The following ANKS1A variants were observed in gnomAD, a reference collection of about 807,000 sequenced individuals.
ANKS1A encodes the protein ankyrin repeat and sterile alpha motif domain containing 1A, also known as ankyrin repeat and SAM domain-containing protein 1A.
ANKS1A carries 55 observed loss-of-function variants against 120.3 expected under a neutral mutation model. The observed-to-expected ratio is 0.46, with a 90% confidence interval of 0.37 to 0.57. The LOEUF is 0.57. Among genes scored for constraint, ANKS1A ranks in the 20% least tolerant of loss-of-function variants. ANKS1A has a pLI of 0.00. For missense variants in ANKS1A, 1,123 were observed against 1,480.3 expected (o/e 0.76, Z 3.96); for synonymous variants, 590 against 604.7 (o/e 0.98, Z 0.36).
intron 1 of ANKS1A, among the ~76,000 whole-genome samples, chr6:34,944,045 G>A (rs532298803): frequency 5.9e-5 from 9 of 152,154 alleles, no homozygotes; most frequent in African/African-American, 1.2e-4. Context: ...AGGCCAAGGC[G>A]GGCAGATCAT....
chr6:34,922,095 G>C (rs1352527302), intron 1 of ANKS1A, among the ~76,000 whole-genome samples: 1 of 149,782 alleles, frequency 6.7e-6, no homozygotes, highest in Non-Finnish European at 1.5e-5. Flanking sequence ...TCCCACCTCA[G>C]ATTCCTGAGT....
chr6:34,979,254 T>C (rs1771774980), intron 3 of ANKS1A, among the ~76,000 whole-genome samples: 1 of 152,204 alleles, frequency 6.6e-6, no homozygotes, highest in African/African-American at 2.4e-5. Flanking sequence ...TGAGAATCAC[T>C]GATAGTTCTT....
intron 11 of ANKS1A, among the ~76,000 whole-genome samples, chr6:35,034,436 G>T (rs566668807): frequency 6.6e-6 from 1 of 152,294 alleles, no homozygotes; most frequent in Admixed American, 6.5e-5. Context: ...AAGTGGACCT[G>T]CAGGGCACTC....
chr6:35,071,137 C>T (rs1777066086), intron 13 of ANKS1A: 1 of 293,980 alleles, frequency 3.4e-6, no homozygotes, highest in Non-Finnish European at 6.5e-6. Flanking sequence ...CCACTTGTGA[C>T]CTGTAAGGCC....
intron 13 of ANKS1A, among the ~76,000 whole-genome samples, chr6:35,062,227 G>A (rs1561948181): frequency 6.6e-6 from 1 of 152,228 alleles, no homozygotes; most frequent in Non-Finnish European, 1.5e-5. Flanking sequence ...CTGGCAGGTG[G>A]AGTCTATACA....
intron 1 of ANKS1A, among the ~76,000 whole-genome samples, chr6:34,896,329 C>A (rs1767082484): frequency 6.6e-6 from 1 of 152,086 alleles, no homozygotes. Context: ...CTCGGCCTCC[C>A]AAAGTGCTGG....
intron 1 of ANKS1A, among the ~76,000 whole-genome samples, chr6:34,933,701 C>T (rs847854): frequency 0.098 from 14,929 of 152,194 alleles, 1,603 homozygotes; most frequent in African/African-American, 0.27. Context: ...AGCAACTGCC[C>T]TTCCTTCAAA....
At chr6:35,000,954 G>A (rs1773136225) in intron 10 of ANKS1A, among the ~76,000 whole-genome samples, 1 of 152,072 alleles carries the variant, frequency 6.6e-6, no homozygotes, top group Non-Finnish European at 1.5e-5. Context: ...CTGTGAACTG[G>A]ACATTAAAGT....
Position 34,889,304 on chromosome 6 carries a change from G to C in ANKS1A, c.-99G>C. 4.1e-6 allele frequency: 5 copies of C among 1,220,884 alleles called. No homozygotes were observed. The highest frequency in any genetic ancestry group is 5.1e-6 in the Non-Finnish European group (5 of 980,890). 75.6% of individuals were successfully genotyped at this position (1,220,884 alleles called of 1,614,324 possible). A position where few individuals can be genotyped will look rare whatever the true frequency, so the allele number is the denominator to read the frequency against. On this transcript the variant is annotated 5_prime_UTR_variant, in exon 1 of 24. Coordinates refer to ENST00000360359, the MANE Select transcript of ANKS1A (RefSeq NM_015245.3). This position sits in a 1 kb window ranked among gnomAD's most constrained non-coding sequence, Gnocchi z 5.5. ...CAGGGAGGGGGTGGTGTCCCCAGCCGGTTTGGGGGGTGCGTTGCCCGGAGA... is the reference window on the plus strand; with the variant it reads ...CAGGGAGGGGGTGGTGTCCCCAGCCCGTTTGGGGGGTGCGTTGCCCGGAGA...
chr6:34,919,052 A>C (rs1752792119), intron 1 of ANKS1A, among the ~76,000 whole-genome samples: 1 of 152,106 alleles, frequency 6.6e-6, no homozygotes, highest in African/African-American at 2.4e-5. Flanking sequence ...CGGTTTCACC[A>C]TGTTGGCCAG....
At chr6:34,920,940 A>G (rs1055743281) in intron 1 of ANKS1A, among the ~76,000 whole-genome samples, 1 of 152,164 alleles carries the variant, frequency 6.6e-6, no homozygotes, top group Non-Finnish European at 1.5e-5. Flanking sequence ...ATGATCATTA[A>G]AGGGATTCAT....
chr6:34,952,758 G>A (rs1770148418), intron 1 of ANKS1A, among the ~76,000 whole-genome samples: 1 of 150,842 alleles, frequency 6.6e-6, no homozygotes, highest in African/African-American at 2.4e-5. Context: ...CGCCCAGGCT[G>A]GAGTGTAGTG....
chr6:35,082,887 T>C lies in ANKS1A; in HGVS notation c.2835+71T>C. On this transcript the variant is annotated intron_variant, in intron 18 of 23. Transcript: ENST00000360359. This position sits in a 1 kb window ranked among gnomAD's most constrained non-coding sequence, Gnocchi z 4.1. ...TCTCGGCCAGGCACCTGCGGCCAAG[T>C]CCCAGCAGGGACTCCACAAAGCCAG... 1 of 1,565,190 alleles carries C rather than the reference T, an allele frequency of 6.4e-7. No homozygotes were observed.
intron 13 of ANKS1A, among the ~76,000 whole-genome samples, chr6:35,065,973 G>C (rs1454119598): frequency 1.3e-5 from 2 of 152,162 alleles, no homozygotes; most frequent in Non-Finnish European, 2.9e-5. Flanking sequence ...AACTGGATGG[G>C]GGAAGCTCAG....
intron 1 of ANKS1A, among the ~76,000 whole-genome samples, chr6:34,943,850 C>A (rs1769649023): frequency 6.6e-6 from 1 of 152,216 alleles, no homozygotes; most frequent in African/African-American, 2.4e-5. Context: ...AATAGAGCTG[C>A]TATAAACATT....
In ANKS1A at chr6:34,889,637, C is replaced by T; in HGVS notation, c.197+38C>T. The T allele has an allele frequency of 4.7e-6, 6 of 1,268,582 alleles. No individual in the cohort carries two copies. The highest frequency in any genetic ancestry group is 3.2e-5 in the Admixed American group (1 of 30,964). 78.6% of individuals were successfully genotyped at this position (1,268,582 alleles called of 1,614,324 possible). A position where few individuals can be genotyped will look rare whatever the true frequency, so the allele number is the denominator to read the frequency against. Reference sequence around the variant, plus strand: ...CAGGGCCGGGCCGCTGCCTGCAGACCCTTTCTCCCCCACCCGTCTCTTGGG... The same window carrying T: ...CAGGGCCGGGCCGCTGCCTGCAGACTCTTTCTCCCCCACCCGTCTCTTGGG... On this transcript the variant is annotated intron_variant, in intron 1 of 23. Transcript: ENST00000360359. This position sits in a 1 kb window ranked among gnomAD's most constrained non-coding sequence, Gnocchi z 5.5.
intron 9 of ANKS1A, among the ~76,000 whole-genome samples, chr6:34,993,886 G>A (rs933889485): frequency 6.6e-6 from 1 of 152,218 alleles, no homozygotes; most frequent in Non-Finnish European, 1.5e-5. Flanking sequence ...CTGTAGGCAT[G>A]GGAGACGCAA....
intron 1 of ANKS1A, among the ~76,000 whole-genome samples, chr6:34,902,771 C>T (rs975755635): frequency 1.3e-5 from 2 of 150,774 alleles, no homozygotes; most frequent in Admixed American, 6.6e-5. Context: ...CCATTGTACT[C>T]CACCCCGGGC....
intron 3 of ANKS1A, among the ~76,000 whole-genome samples, chr6:34,974,714 A>G (rs1353208551): frequency 6.6e-5 from 10 of 152,190 alleles, no homozygotes; most frequent in Non-Finnish European, 1.5e-4. Flanking sequence ...CTTCTGTAAA[A>G]TACGGCACTA....
Sources: gnomAD v4.1 joint callset for allele counts (sites outside exome capture counted in the v4.1 genomes callset) on GRCh38, gnomAD v4.1.1 for gene constraint, Gnocchi (gnomAD v3.1) non-coding constraint, MANE v1.5 for transcripts, NCBI Gene and HGNC (gene_info 2026-07-23, HGNC 2026-07-21) for gene names.